The following PRKD2 variants were observed in gnomAD, a reference collection of about 807,000 sequenced individuals.
PRKD2 encodes the protein protein kinase D2, also known as serine/threonine-protein kinase D2.
Under a neutral mutation model 86.0 loss-of-function variants are expected in PRKD2, and 22 were observed. The observed-to-expected ratio is 0.26, with a 90% CI of 0.18 to 0.37. The LOEUF (loss-of-function observed/expected upper bound fraction) is 0.37. PRKD2 is among the 10% of genes least tolerant of loss of function. The pLI is 1.00. For synonymous variants in PRKD2, 509 were observed against 510.9 expected (o/e 1.00, Z 0.05); for missense variants, 818 against 1,199.2 (o/e 0.68, Z 4.70).
chr19:46,691,226 AC>A, intron 12 of PRKD2, among the ~76,000 whole-genome samples: 1 of 152,126 alleles, frequency 6.6e-6, no homozygotes, highest in South Asian at 2.1e-4. Flanking sequence ...TGCAGAATCT[AC>A]CCTCCAATCC....
chr19:46,692,181 A>G (rs1014539759), intron 10 of PRKD2, among the ~76,000 whole-genome samples, 196 bp from the exon 11 acceptor site: 7 of 151,620 alleles, frequency 4.6e-5, no homozygotes, highest in Non-Finnish European at 1.0e-4. Flanking sequence ...TAATAAAAGG[A>G]CCTCCCTCAT....
At position 46,716,474 on chromosome 19, in the gene PRKD2, T is replaced by C; in HGVS notation, c.-104A>G. 3.4e-6 allele frequency: 2 copies of C among 584,476 alleles called. No individual in the cohort carries two copies. The highest frequency in any genetic ancestry group is 5.6e-6 in the Non-Finnish European group (2 of 355,252). The allele number at this position is 584,476 out of a possible 1,614,324, so 36.2% of individuals were successfully genotyped here. A position where few individuals can be genotyped will look rare whatever the true frequency, so the allele number is the denominator to read the frequency against. Reference sequence around the variant, plus strand: ...TCCGCGGGATCTCGTGAGCAGGTGGTGGGAGAGCGGGGATCCGAGAAAAGA... The same window carrying C: ...TCCGCGGGATCTCGTGAGCAGGTGGCGGGAGAGCGGGGATCCGAGAAAAGA... On this transcript the variant is annotated 5_prime_UTR_variant, in exon 1 of 18. Coordinates refer to ENST00000291281, the MANE Select transcript of PRKD2 (RefSeq NM_016457.5). The surrounding 1 kb of genome is among the most constrained non-coding windows in gnomAD (Gnocchi z 7.9).
At position 46,674,946 on chromosome 19, in the gene PRKD2, C is replaced by G. The variant is rs1390450837; in HGVS notation, c.2424+87G>C. 8 of 1,357,128 alleles carry G rather than the reference C, an allele frequency of 5.9e-6. No individual in the cohort carries two copies. The Admixed American group carries it at 6.1e-5, about 10-fold the overall frequency. 84.1% of individuals were successfully genotyped at this position (1,357,128 alleles called of 1,614,324 possible). On this transcript the variant is annotated intron_variant, in intron 17 of 17. Coordinates refer to ENST00000291281, the MANE Select transcript of PRKD2 (RefSeq NM_016457.5). The stretch of plus-strand genomic sequence containing the variant: ...ATTCCAGACCCAAGGAAACCTACAT[C>G]CTTCACAACCTGCCTAGCCAATAAG...
intron 2 of PRKD2, 32 bp downstream of exon 2, chr19:46,713,826 CCGAGG>C: frequency 2.1e-6 from 3 of 1,438,694 alleles, no homozygotes; most frequent in Middle Eastern, 2.5e-4. Context: ...CCGCCCCCAC[CCGAGG>C]CCCCGCCCCC....
At chr19:46,710,839 G>C in intron 3 of PRKD2, 68 bp downstream of exon 3, 1 of 1,467,216 alleles carries the variant, frequency 6.8e-7, no homozygotes, top group South Asian at 1.3e-5. Flanking sequence ...CCCGTGCCAG[G>C]ACCATTACGC....
chr19:46,708,982 T>TTTG (rs1555831886), intron 3 of PRKD2, among the ~76,000 whole-genome samples: 1,551 of 140,238 alleles, frequency 0.011, 16 homozygotes, highest in Non-Finnish European at 0.017. Context: ...GTTTTTTTTT[T>TTTG]TTTTTTTTTT....
intron 3 of PRKD2, chr19:46,710,600 G>T: frequency 2.9e-6 from 1 of 346,462 alleles, no homozygotes; most frequent in South Asian, 7.8e-5. Flanking sequence ...CTAACTGATA[G>T]AGGCCCCACC....
intron 14 of PRKD2, among the ~76,000 whole-genome samples, chr19:46,688,481 G>C (rs1270509373): frequency 6.7e-6 from 1 of 148,548 alleles, no homozygotes; most frequent in Non-Finnish European, 1.5e-5. Flanking sequence ...TTGTCCCCCA[G>C]GCTGGAGTAC....
chr19:46,699,511 C>G (rs2053607344), intron 7 of PRKD2, among the ~76,000 whole-genome samples: 1 of 152,192 alleles, frequency 6.6e-6, no homozygotes, highest in Middle Eastern at 3.2e-3. Context: ...TTTATCACCC[C>G]GTGGGGTAGG....
intron 7 of PRKD2, among the ~76,000 whole-genome samples, chr19:46,699,790 A>C (rs945737908): frequency 4.6e-5 from 7 of 151,998 alleles, no homozygotes; most frequent in African/African-American, 1.7e-4. Flanking sequence ...TATAGTTTAA[A>C]AATGTGTAGG....
In PRKD2 at chr19:46,680,946, A is replaced by ATT. The variant is rs1222612655; in HGVS notation, c.2070+702_2070+703dup. 4.9e-3 allele frequency among the ~76,000 whole-genome samples: 238 copies of ATT among 48,200 alleles called. 5 individuals are homozygous for ATT. The highest frequency in any genetic ancestry group is 0.01 in the African/African-American group (148 of 14,172). 31.6% of individuals were successfully genotyped at this position (48,200 alleles called of 152,430 possible). The stretch of plus-strand genomic sequence containing the variant: ...AAACTATATATATATATATATATAT[A>ATT]TTTTTTTTTTTTTTTTTGAGACAGA... On this transcript the variant is annotated intron_variant, in intron 15 of 17. Transcript: ENST00000291281.
intron 1 of PRKD2, 192 bp from the exon 2 acceptor site, chr19:46,714,193 C>G: frequency 7.5e-7 from 1 of 1,330,550 alleles, no homozygotes. Flanking sequence ...CCCAATTGTA[C>G]GGGGAGGGGG....
In PRKD2 at chr19:46,678,717, C is replaced by T; in HGVS notation, c.2071-54G>A. 6.5e-7 allele frequency: 1 copy of T among 1,549,366 alleles called. No individual in the cohort carries two copies. Among genetic ancestry groups the T allele is most frequent in the Non-Finnish European group, 8.7e-7 (1 of 1,147,066 alleles). ...CCAGGTGATGGAGCCGCACCCACCC[C>T]AGCATCCCCACCACACCACCCTCCA... On this transcript the variant is annotated intron_variant, in intron 15 of 17. Coordinates refer to ENST00000291281, the MANE Select transcript of PRKD2 (RefSeq NM_016457.5). The surrounding 1 kb of genome is among the most constrained non-coding windows in gnomAD (Gnocchi z 5.7).
intron 14 of PRKD2, among the ~76,000 whole-genome samples, chr19:46,681,976 G>A (rs1182834600): frequency 6.6e-6 from 1 of 151,918 alleles, no homozygotes; most frequent in Non-Finnish European, 1.5e-5. Context: ...AAGTAGCTGG[G>A]ACTACAGGCG....
intron 3 of PRKD2, among the ~76,000 whole-genome samples, chr19:46,707,422 T>C (rs1296424808): frequency 6.6e-6 from 1 of 151,444 alleles, no homozygotes; most frequent in Non-Finnish European, 1.5e-5. Context: ...TGAAACCCCG[T>C]CTACTAAAAA....
chr19:46,706,656 C>CA (rs1368050330), intron 3 of PRKD2, among the ~76,000 whole-genome samples: 1 of 152,130 alleles, frequency 6.6e-6, no homozygotes, highest in African/African-American at 2.4e-5. Flanking sequence ...GATGCTGCAC[C>CA]AGTGAAGTCT....
At chr19:46,681,603 AT>A in intron 15 of PRKD2, 46 bp downstream of exon 15, 6 of 199,738 alleles carry the variant, frequency 3.0e-5, no homozygotes, top group African/African-American at 7.5e-5. Flanking sequence ...CACCCCGGCC[AT>A]CAGTGTTGCC....
At chr19:46,694,433 G>A (rs898334743) in intron 9 of PRKD2, among the ~76,000 whole-genome samples, 3 of 151,810 alleles carry the variant, frequency 2.0e-5, no homozygotes, top group Non-Finnish European at 4.4e-5. Flanking sequence ...CGTCTCTACT[G>A]AAAATACAAA....
intron 14 of PRKD2, among the ~76,000 whole-genome samples, chr19:46,686,468 T>G (rs2053398839): frequency 7.6e-6 from 1 of 131,306 alleles, no homozygotes; most frequent in Non-Finnish European, 1.6e-5. Context: ...AGACCTTGTC[T>G]CTACAAAAAC....
Sources: allele counts gnomAD v4.1 joint callset (sites outside exome capture counted in the v4.1 genomes callset), GRCh38; gene constraint gnomAD v4.1.1; non-coding constraint Gnocchi (gnomAD v3.1); transcripts MANE v1.5; gene names NCBI Gene and HGNC (gene_info 2026-07-23, HGNC 2026-07-21).